The following SLAIN1 variants were observed in gnomAD, a reference collection of about 807,000 sequenced individuals.
The protein encoded by SLAIN1 is SLAIN family member 1.
SLAIN1 carries 17 observed loss-of-function variants against 55.4 expected under a neutral mutation model. The observed-to-expected ratio is 0.31, with a 90% confidence interval of 0.21 to 0.46. The LOEUF (loss-of-function observed/expected upper bound fraction) is 0.46, where lower values mean the gene tolerates loss of function less well. Ranked by LOEUF, SLAIN1 falls within the 20% of genes least tolerant of loss-of-function variation. The pLI, the probability that SLAIN1 is intolerant of heterozygous loss-of-function variation, is 1.00. For missense variants in SLAIN1, 682 were observed against 785.1 expected, an observed-to-expected ratio of 0.87 and a Z score of 1.57; for synonymous variants, 348 against 337.4, an observed-to-expected ratio of 1.03 and a Z score of -0.35.
chr13:77,698,341 C>G lies in SLAIN1; in HGVS notation c.428C>G (p.Pro143Arg), dbSNP rs1429081090. ...PSLLCSLAQP[P>R]EAPFVYFKPA... The stretch of plus-strand genomic sequence containing the variant: ...CTGCTTTGCAGCCTGGCGCAGCCAC[C>G]CGAGGCGCCCTTCGTCTACTTCAAG... Residue 143 changes from proline to arginine, a missense_variant, in exon 1 of 7, where the codon CCC (proline) becomes CGC (arginine). Pro to Arg is a moderately radical substitution (Grantham distance 103, BLOSUM62 -2). Transcript: ENST00000418532. This position sits in a 1 kb window ranked among gnomAD's most constrained non-coding sequence, Gnocchi z 4.1. The G allele has an allele frequency of 6.9e-7, 1 of 1,448,106 alleles. No homozygotes were observed. The highest frequency in any genetic ancestry group is 9.1e-7 in the Non-Finnish European group (1 of 1,102,474). The allele number at this position is 1,448,106 out of a possible 1,614,324, so 89.7% of individuals were successfully genotyped here.
chr13:77,700,977 A>G (rs571682338), intron 1 of SLAIN1, among the ~76,000 whole-genome samples: 3 of 152,316 alleles, frequency 2.0e-5, no homozygotes, highest in South Asian at 2.1e-4. Flanking sequence ...AAAAAAATAT[A>G]ATTACAACAA....
At chr13:77,759,988 CA>C (rs1228199216) in intron 5 of SLAIN1, among the ~76,000 whole-genome samples, 4 of 151,902 alleles carry the variant, frequency 2.6e-5, no homozygotes, top group Admixed American at 1.3e-4. Context: ...ATATTTATTT[CA>C]AAAAAGTATT....
At chr13:77,710,108 CA>C (rs1277685625) in intron 1 of SLAIN1, among the ~76,000 whole-genome samples, 1 of 152,060 alleles carries the variant, frequency 6.6e-6, no homozygotes, top group Non-Finnish European at 1.5e-5. Flanking sequence ...AAACCAGTAC[CA>C]GCCACTGCAA....
rs140389804 is a variant in SLAIN1 at position 77,722,049 on chromosome 13, T to C, written c.766+2378T>C. 2.5e-3 allele frequency among the ~76,000 whole-genome samples: 386 copies of C among 151,396 alleles called. 2 individuals are homozygous for C. The highest frequency in any genetic ancestry group is 9.0e-3 in the African/African-American group (370 of 41,206). ...CTAATTGGTGGTTGCTATTGAGATA[T>C]TAGACTAAGTGCTTCATTATCCGAT... is the stretch of plus-strand genomic sequence containing the variant. On this transcript the variant is annotated intron_variant, in intron 2 of 6. Coordinates refer to ENST00000418532, the MANE Select transcript of SLAIN1 (RefSeq NM_001242868.2).
intron 1 of SLAIN1, among the ~76,000 whole-genome samples, chr13:77,718,314 A>G (rs2091228210): frequency 6.6e-6 from 1 of 152,140 alleles, no homozygotes; most frequent in African/African-American, 2.4e-5. Flanking sequence ...ATGTCTATAA[A>G]TCAATTTTAA....
In SLAIN1 at chr13:77,720,671, G is replaced by A. The variant is rs569062910; in HGVS notation, c.766+1000G>A. 7.9e-5 allele frequency among the ~76,000 whole-genome samples: 12 copies of A among 152,232 alleles called. No homozygotes were observed. The South Asian group carries it at 1.5e-3, about 18-fold the overall frequency. On this transcript the variant is annotated intron_variant, in intron 2 of 6. Transcript: ENST00000418532. ...CATCTTTAGAGGTGAGAAATACGAA[G>A]TTTAGAGAAGTTCCCAGGGTTACAA... is the stretch of plus-strand genomic sequence containing the variant.
chr13:77,731,895 A>T (rs1872884399), intron 2 of SLAIN1, among the ~76,000 whole-genome samples: 1 of 152,082 alleles, frequency 6.6e-6, no homozygotes, highest in South Asian at 2.1e-4. Flanking sequence ...AATTGTATTG[A>T]AATTATGAAA....
chr13:77,736,009 G>T (rs1873099900), intron 2 of SLAIN1, among the ~76,000 whole-genome samples: 1 of 151,870 alleles, frequency 6.6e-6, no homozygotes, highest in Non-Finnish European at 1.5e-5. Context: ...CTCTCAACCT[G>T]AACCTGTAAG....
At chr13:77,761,159 C>A in intron 6 of SLAIN1, 49 bp downstream of exon 6, 1 of 1,572,222 alleles carries the variant, frequency 6.4e-7, no homozygotes, top group Non-Finnish European at 8.7e-7. Flanking sequence ...GAACTAGAAA[C>A]TGCTCCAGAC....
At chr13:77,706,137 T>C (rs1230786007) in intron 1 of SLAIN1, among the ~76,000 whole-genome samples, 1 of 152,150 alleles carries the variant, frequency 6.6e-6, no homozygotes, top group African/African-American at 2.4e-5. Flanking sequence ...TTCTTTTTCC[T>C]AAACAGTCTT....
rs184635573 is a variant in SLAIN1 at position 77,699,796 on chromosome 13, A to G, written c.626+1257A>G. Among the ~76,000 whole-genome samples the G allele has an allele frequency of 1.8e-4, 28 of 152,262 alleles. No individual in the cohort carries two copies. In the East Asian group the frequency reaches 5.2e-3, roughly 28 times the overall value. On this transcript the variant is annotated intron_variant, in intron 1 of 6. Transcript: ENST00000418532. ...GGTAGCTCAAGGTGTAAAAAAATCAAACAACTCATCACTTTTGGGAACTTT... is the reference window on the plus strand; with the variant it reads ...GGTAGCTCAAGGTGTAAAAAAATCAGACAACTCATCACTTTTGGGAACTTT...
At chr13:77,760,328 GC>G (rs1333987617) in intron 5 of SLAIN1, among the ~76,000 whole-genome samples, 3 of 152,082 alleles carry the variant, frequency 2.0e-5, no homozygotes, top group Non-Finnish European at 4.4e-5. Context: ...ATGTAATAAT[GC>G]CCAGCAACTC....
chr13:77,702,676 A>G (rs1045412254), intron 1 of SLAIN1, among the ~76,000 whole-genome samples: 2 of 151,930 alleles, frequency 1.3e-5, no homozygotes, highest in African/African-American at 4.8e-5. Context: ...ACTAAAAATC[A>G]GATTATTTGT....
intron 2 of SLAIN1, among the ~76,000 whole-genome samples, chr13:77,729,668 T>C (rs1281755137): frequency 6.6e-6 from 1 of 152,120 alleles, no homozygotes; most frequent in African/African-American, 2.4e-5. Flanking sequence ...CAGTCAGTGC[T>C]AAATACAGGG....
At chr13:77,756,272 T>C (rs1874600006) in intron 5 of SLAIN1, among the ~76,000 whole-genome samples, 2 of 152,220 alleles carry the variant, frequency 1.3e-5, no homozygotes, top group South Asian at 2.1e-4. Context: ...TGAAATTGGT[T>C]GGCATTTCAT....
chr13:77,734,727 A>G (rs1239574314), intron 2 of SLAIN1, among the ~76,000 whole-genome samples: 1 of 152,152 alleles, frequency 6.6e-6, no homozygotes, highest in African/African-American at 2.4e-5. Context: ...TTTCTTTCAG[A>G]ATGTAGAATG....
intron 5 of SLAIN1, among the ~76,000 whole-genome samples, chr13:77,755,730 C>T (rs926568044): frequency 3.3e-5 from 5 of 152,100 alleles, no homozygotes; most frequent in African/African-American, 7.2e-5. Context: ...CCAATTCATG[C>T]GTGTAAAAGC....
At chr13:77,741,211 G>A (rs1018412206) in intron 2 of SLAIN1, 1 of 985,836 alleles carries the variant, frequency 1.0e-6, no homozygotes, top group African/African-American at 1.7e-5. Flanking sequence ...TCATCTGTTA[G>A]GCAAGATAGC....
rs1219490987 is a variant in SLAIN1, at chr13:77,698,258, C to T, written c.345C>T (p.Gly115=). 3.6e-6 allele frequency: 5 copies of T among 1,396,768 alleles called. No individual in the cohort carries two copies. Among genetic ancestry groups the T allele is most frequent in the South Asian group, 2.9e-5 (2 of 68,236 alleles). The allele number at this position is 1,396,768 out of a possible 1,614,324, so 86.5% of individuals were successfully genotyped here. ...GGGGGSGSGS[G]GGSSPAFPGT... ...GTGGCGGCAGCGGTAGTGGCAGCGG[C>T]GGTGGCTCCAGCCCCGCGTTCCCGG... is the stretch of plus-strand genomic sequence containing the variant. Residue 115 remains glycine, a synonymous_variant, in exon 1 of 7, where the codon GGC becomes GGT. Coordinates refer to ENST00000418532, the MANE Select transcript of SLAIN1 (RefSeq NM_001242868.2). This position sits in a 1 kb window ranked among gnomAD's most constrained non-coding sequence, Gnocchi z 4.1.
Sources: allele counts gnomAD v4.1 joint callset (sites outside exome capture counted in the v4.1 genomes callset), GRCh38; gene constraint gnomAD v4.1.1; non-coding constraint Gnocchi (gnomAD v3.1); transcripts MANE v1.5; gene names NCBI Gene and HGNC (gene_info 2026-07-23, HGNC 2026-07-21).